The following SEMA5A variants were observed in gnomAD, a reference collection of about 807,000 sequenced individuals.
SEMA5A encodes semaphorin-5A.
In SEMA5A, 55 loss-of-function variants were observed where a neutral mutation model predicts 135.5. That is an observed-to-expected ratio of 0.41 (90% confidence interval 0.33 to 0.51). SEMA5A has a LOEUF of 0.51. Among genes scored for constraint, SEMA5A ranks in the 20% least tolerant of loss-of-function variants. The pLI is 0.37. For synonymous variants in SEMA5A, 580 were observed against 546.5 expected (o/e 1.06, Z -0.85); for missense variants, 1,290 against 1,419.9 (o/e 0.91, Z 1.47).
At position 9,108,201 on chromosome 5, in the gene SEMA5A, C is replaced by T; in HGVS notation, c.2012G>A (p.Gly671Asp). 1 of 1,614,114 alleles carries T rather than the reference C, an allele frequency of 6.2e-7. No individual in the cohort carries two copies. The highest frequency in any genetic ancestry group is 8.5e-7 in the Non-Finnish European group (1 of 1,180,028). The stretch of plus-strand genomic sequence containing the variant: ...GATCCTGCGGCGAGCTTGAATGCCA[C>T]CCCCGCATTGGGCTGTGCACCGTTC... ...PWERCTAQCGGGIQARRRICE... is the reference protein window; with the variant it reads ...PWERCTAQCGDGIQARRRICE... The change falls in exon 16 of 23, where the codon GGT (glycine) becomes GAT (aspartate). Residue 671 changes from glycine (G) to aspartate (D), a missense_variant. Gly to Asp is a moderately conservative substitution (Grantham distance 94, BLOSUM62 -1). Coordinates refer to ENST00000382496, the MANE Select transcript of SEMA5A (RefSeq NM_003966.3).
At chr5:9,339,777 A>G (rs1753562317) in intron 3 of SEMA5A, among the ~76,000 whole-genome samples, 1 of 152,200 alleles carries the variant, frequency 6.6e-6, no homozygotes, top group African/African-American at 2.4e-5. Flanking sequence ...GTTTTCAGGA[A>G]AACTCTTGAC....
At chr5:9,351,197 T>C (rs1754098479) in intron 3 of SEMA5A, among the ~76,000 whole-genome samples, 1 of 152,158 alleles carries the variant, frequency 6.6e-6, no homozygotes, top group Non-Finnish European at 1.5e-5. Flanking sequence ...GTAAATTCCT[T>C]CCTAGGATCA....
rs1025312701 is a variant in SEMA5A at position 9,062,891 on chromosome 5, G to A, written c.2514C>T (p.Cys838=). The A allele has an allele frequency of 6.2e-7, 1 of 1,614,180 alleles. No homozygotes were observed. The highest frequency in any genetic ancestry group is 1.7e-5 in the Admixed American group (1 of 60,014). ...LEYQECNILP[C]PVDGVWSCWS... Reference sequence around the variant, plus strand: ...TAGACTACACAATCCACTTACCTGGGCAGGGCAAAATGTTGCATTCCTGGT... The same window carrying A: ...TAGACTACACAATCCACTTACCTGGACAGGGCAAAATGTTGCATTCCTGGT... The change falls in exon 18 of 23, where the codon TGC becomes TGT. Residue 838 remains cysteine (C), a synonymous_variant. Transcript: ENST00000382496.
chr5:9,331,044 C>T (rs566983398), intron 4 of SEMA5A, among the ~76,000 whole-genome samples: 4 of 152,324 alleles, frequency 2.6e-5, no homozygotes, highest in African/African-American at 9.6e-5. Context: ...TTTCATACCG[C>T]TCAGCATGTA....
At chr5:9,122,910 T>C in intron 13 of SEMA5A, 73 bp from the exon 14 acceptor site, 1 of 1,331,460 alleles carries the variant, frequency 7.5e-7, no homozygotes, top group Non-Finnish European at 1.0e-6. Context: ...AAATTAAAAA[T>C]CCCTCATAAG....
intron 16 of SEMA5A, among the ~76,000 whole-genome samples, chr5:9,102,093 G>A (rs974810254): frequency 6.6e-6 from 1 of 152,106 alleles, no homozygotes; most frequent in Non-Finnish European, 1.5e-5. Context: ...AGAAAGCCAC[G>A]GTTCAAAAAT....
At chr5:9,235,575 C>A (rs200951331) in intron 6 of SEMA5A, among the ~76,000 whole-genome samples, 14 of 152,038 alleles carry the variant, frequency 9.2e-5, no homozygotes, top group East Asian at 5.8e-4. Flanking sequence ...TAAGATCGGA[C>A]GAGGAAATAG....
chr5:9,295,789 A>T (rs770927150), intron 5 of SEMA5A, among the ~76,000 whole-genome samples: 1 of 152,224 alleles, frequency 6.6e-6, no homozygotes, highest in African/African-American at 2.4e-5. Context: ...ATATAAAATA[A>T]TAACTCAATA....
chr5:9,354,587 G>A (rs194259), intron 3 of SEMA5A, among the ~76,000 whole-genome samples: 2,214 of 152,278 alleles, frequency 0.015, 33 homozygotes, highest in Admixed American at 0.021. Context: ...GGCAGCAAAC[G>A]TGTACCTACT....
chr5:9,315,100 C>T (rs1435230548), intron 5 of SEMA5A, among the ~76,000 whole-genome samples: 1 of 152,144 alleles, frequency 6.6e-6, no homozygotes, highest in African/African-American at 2.4e-5. Flanking sequence ...AATGGAAATA[C>T]ATCTCCTCAC....
At chr5:9,354,771 TAG>T (rs1754370268) in intron 3 of SEMA5A, among the ~76,000 whole-genome samples, 1 of 152,020 alleles carries the variant, frequency 6.6e-6, no homozygotes, top group Non-Finnish European at 1.5e-5. Flanking sequence ...AGCAACATGG[TAG>T]AGTCTGTGAG....
At chr5:9,163,372 G>T (rs564230369) in intron 11 of SEMA5A, among the ~76,000 whole-genome samples, 11 of 152,276 alleles carry the variant, frequency 7.2e-5, no homozygotes, top group South Asian at 4.2e-4. Context: ...AGACTCTCAT[G>T]TGCATAATTC....
Position 9,037,426 on chromosome 5 carries a change from T to C in SEMA5A, c.*5471A>G, listed in dbSNP as rs529902284. ...GCCCTATGTCGCTTGCAATGTGAACTCTATTTTCAAAAGTGGATAGGATTC... is the reference window on the plus strand; with the variant it reads ...GCCCTATGTCGCTTGCAATGTGAACCCTATTTTCAAAAGTGGATAGGATTC... On this transcript the variant is annotated 3_prime_UTR_variant, in exon 23 of 23. Coordinates refer to ENST00000382496, the MANE Select transcript of SEMA5A (RefSeq NM_003966.3). 158 of 152,334 alleles carry C rather than the reference T, an allele frequency of 1.0e-3. No homozygotes were observed. The highest frequency in any genetic ancestry group is 3.6e-3 in the African/African-American group (150 of 41,580). 9.4% of individuals were successfully genotyped at this position (152,334 alleles called of 1,614,324 possible). A position where few individuals can be genotyped will look rare whatever the true frequency, so the allele number is the denominator to read the frequency against.
At chr5:9,513,234 A>C (rs951134909) in intron 1 of SEMA5A, among the ~76,000 whole-genome samples, 1 of 152,010 alleles carries the variant, frequency 6.6e-6, no homozygotes, top group Non-Finnish European at 1.5e-5. Flanking sequence ...TGGTAAATTT[A>C]GGGATGTTAA....
chr5:9,047,990 T>C (rs1736363003), intron 21 of SEMA5A, among the ~76,000 whole-genome samples: 1 of 152,148 alleles, frequency 6.6e-6, no homozygotes, highest in East Asian at 1.9e-4. Flanking sequence ...ACTGCACACG[T>C]CTGGCAGCAG....
At chr5:9,357,008 C>A (rs1442327578) in intron 3 of SEMA5A, among the ~76,000 whole-genome samples, 1 of 152,164 alleles carries the variant, frequency 6.6e-6, no homozygotes, top group Non-Finnish European at 1.5e-5. Flanking sequence ...ACATAGAGAA[C>A]CCATTCCTTC....
intron 13 of SEMA5A, among the ~76,000 whole-genome samples, chr5:9,124,109 C>T (rs1232633924): frequency 6.6e-6 from 1 of 152,056 alleles, no homozygotes; most frequent in Non-Finnish European, 1.5e-5. Flanking sequence ...AGGGGAGCAA[C>T]ACCAAGGACT....
chr5:9,284,646 G>T (rs1750705918), intron 5 of SEMA5A, among the ~76,000 whole-genome samples: 1 of 151,964 alleles, frequency 6.6e-6, no homozygotes, highest in African/African-American at 2.4e-5. Context: ...AATTCTTTTG[G>T]GGGGTAAAAT....
intron 16 of SEMA5A, among the ~76,000 whole-genome samples, chr5:9,106,996 G>C (rs1552000): frequency 0.12 from 17,516 of 152,138 alleles, 1,552 homozygotes; most frequent in East Asian, 0.32. Flanking sequence ...CTTCCTTTCT[G>C]AGAATTTCCC....
Sources: allele counts gnomAD v4.1 joint callset (sites outside exome capture counted in the v4.1 genomes callset), GRCh38; gene constraint gnomAD v4.1.1; transcripts MANE v1.5; gene names NCBI Gene and HGNC (gene_info 2026-07-23, HGNC 2026-07-21).